TMPO: variants seen among roughly 807,000 people sequenced by gnomAD.
TMPO encodes LEM domain containing 4.
A neutral mutation model predicts 45.4 loss-of-function variants in TMPO; 22 were observed. The ratio of observed to expected loss-of-function variants is 0.48; its 90% CI spans 0.35 to 0.69. The LOEUF (loss-of-function observed/expected upper bound fraction) is 0.69. Among genes scored for constraint, TMPO ranks in the 30% least tolerant of loss-of-function variants. TMPO has a pLI of 0.01. For synonymous variants in TMPO, 241 were observed against 204.1 expected (o/e 1.18, Z -1.54); for missense variants, 512 against 548.8 (o/e 0.93, Z 0.67).
At chr12:98,517,839 AAAAG>A (rs1375414592) in intron 1 of TMPO, among the ~76,000 whole-genome samples, 1 of 152,250 alleles carries the variant, frequency 6.6e-6, no homozygotes, top group African/African-American at 2.4e-5. Context: ...CCTGCTCTGA[AAAAG>A]AAGGTAGTAT....
At chr12:98,545,543 G>A (rs747254157) in intron 7 of TMPO, among the ~76,000 whole-genome samples, 9 of 152,088 alleles carry the variant, frequency 5.9e-5, no homozygotes, top group African/African-American at 1.2e-4. Context: ...AAAAGGAGCC[G>A]AAACATTTAT....
chr12:98,520,529 A>T (rs1876261911), intron 1 of TMPO, among the ~76,000 whole-genome samples: 1 of 147,850 alleles, frequency 6.8e-6, no homozygotes, highest in South Asian at 2.1e-4. Context: ...CTGGTCTCGA[A>T]CTCCTGACCT....
At chr12:98,542,628 C>T (rs1877981974) in intron 4 of TMPO, among the ~76,000 whole-genome samples, 2 of 152,012 alleles carry the variant, frequency 1.3e-5, no homozygotes, top group Admixed American at 6.6e-5. Flanking sequence ...TTGGGAGGCC[C>T]AGGTGGGTGG....
chr12:98,533,974 T>C lies in TMPO; in HGVS notation c.565+2136T>C. On this transcript the variant is annotated intron_variant, in intron 3 of 8. Coordinates refer to ENST00000556029, the MANE Select transcript of TMPO (RefSeq NM_001032283.3). ...GTTGGACTTAGCACTCTGTAGAGCA[T>C]ATGAAGCTGCAGCATCAGCATTGCA... The C allele has an allele frequency of 1.9e-6, 3 of 1,610,540 alleles. No individual in the cohort carries two copies. The highest frequency in any genetic ancestry group is 1.7e-4 in the Middle Eastern group (1 of 6,046).
At chr12:98,535,565 G>C (rs758352372) in intron 3 of TMPO, 36 of 985,292 alleles carry the variant, frequency 3.7e-5, no homozygotes, top group Non-Finnish European at 4.3e-5. Flanking sequence ...TGAGTGCTAT[G>C]TGATTTTTAA....
chr12:98,541,348 A>C (rs1877903531), intron 4 of TMPO, among the ~76,000 whole-genome samples: 1 of 152,212 alleles, frequency 6.6e-6, no homozygotes, highest in South Asian at 2.1e-4. Flanking sequence ...ATCATGAATT[A>C]ATGGTGATAT....
rs745680540 is a variant in TMPO, at chr12:98,534,366, CTATCT to C, written c.565+2535_565+2539del. On this transcript the variant is annotated intron_variant, in intron 3 of 8. Coordinates refer to ENST00000556029, the MANE Select transcript of TMPO (RefSeq NM_001032283.3). ...AGTAAAATTAAGGACAAAAAGACATCTATCTTATCTTTCAGGTACTTTATGCCAAC... is the reference window on the plus strand; with the variant it reads ...AGTAAAATTAAGGACAAAAAGACATCTATCTTTCAGGTACTTTATGCCAAC... The C allele has an allele frequency of 5.0e-6, 8 of 1,608,592 alleles. No homozygotes were observed. The African/African-American group carries it at 6.7e-5, about 13-fold the overall frequency.
intron 1 of TMPO, among the ~76,000 whole-genome samples, chr12:98,527,246 C>T (rs1482447652): frequency 3.4e-5 from 5 of 148,478 alleles, no homozygotes; most frequent in Non-Finnish European, 5.9e-5. Flanking sequence ...AACTGTAATC[C>T]TAACACTTTG....
intron 3 of TMPO, chr12:98,533,720 CAG>C (rs762350815): frequency 6.2e-7 from 1 of 1,614,148 alleles, no homozygotes; most frequent in Non-Finnish European, 8.5e-7. Context: ...ATAGATGCCT[CAG>C]AACTATCTTT....
chr12:98,533,378 C>A (rs759557168), intron 3 of TMPO: 7 of 1,614,180 alleles, frequency 4.3e-6, no homozygotes, highest in Non-Finnish European at 4.2e-6. Context: ...CCGCCACTTG[C>A]CCAGGCAATC....
At chr12:98,533,793 G>A in intron 3 of TMPO, 3 of 1,614,230 alleles carry the variant, frequency 1.9e-6, no homozygotes, top group Non-Finnish European at 2.5e-6. Flanking sequence ...TTGACAGGCA[G>A]CTGCCTTCAC....
At chr12:98,516,197 G>A in intron 1 of TMPO, 51 bp downstream of exon 1, 1 of 1,320,532 alleles carries the variant, frequency 7.6e-7, no homozygotes, top group Non-Finnish European at 9.6e-7. Context: ...CGGTTGCCGC[G>A]CGCGCTCGCC....
intron 1 of TMPO, among the ~76,000 whole-genome samples, chr12:98,521,099 AATTTTTT>A (rs1206345968): frequency 1.1e-5 from 1 of 93,018 alleles, no homozygotes; most frequent in African/African-American, 4.0e-5. Flanking sequence ...GTTTATGAGG[AATTTTTT>A]TTTTTTTTTT....
chr12:98,534,820 T>C, intron 3 of TMPO: 2 of 1,002,362 alleles, frequency 2.0e-6, no homozygotes, highest in Non-Finnish European at 2.4e-6. Context: ...TTTGCTCATA[T>C]TTTCTTACTT....
At chr12:98,545,083 C>T (rs757944637) in intron 7 of TMPO, 22 bp downstream of exon 7, 2 of 1,448,450 alleles carry the variant, frequency 1.4e-6, no homozygotes, top group East Asian at 2.3e-5. Flanking sequence ...CAATTTAGAT[C>T]GATGCTATCA....
chr12:98,531,179 A>G (rs1354710958), intron 2 of TMPO, among the ~76,000 whole-genome samples: 1 of 146,168 alleles, frequency 6.8e-6, no homozygotes, highest in African/African-American at 2.5e-5. Flanking sequence ...ACCTTAGGTG[A>G]TCCACCCGCC....
Position 98,515,931 on chromosome 12 carries a change from G to A in TMPO, c.64G>A (p.Ala22Thr). 1 of 1,613,708 alleles carries A rather than the reference G, an allele frequency of 6.2e-7. No homozygotes were observed. The highest frequency in any genetic ancestry group is 2.2e-5 in the East Asian group (1 of 44,862). The change falls in exon 1 of 9, where the codon GCC becomes ACC. Residue 22 changes from alanine (A) to threonine (T), a missense_variant. Physicochemically the swap from Ala to Thr is moderately conservative, Grantham distance 58. This residue lies in a region of TMPO where 299 missense variants were observed against 296.7 expected (regional missense o/e 1.01). Transcript: ENST00000556029. The part of the protein sequence containing the change: ...TKDKLKSELV[A>T]NNVTLPAGEQ... ...AGACAAGTTGAAGAGTGAGTTGGTC[G>A]CCAACAATGTGACGCTGCCGGCCGG...
At chr12:98,540,363 C>T (rs1472450152) in intron 4 of TMPO, among the ~76,000 whole-genome samples, 2 of 152,004 alleles carry the variant, frequency 1.3e-5, no homozygotes, top group Non-Finnish European at 2.9e-5. Flanking sequence ...CTCTGTTTTG[C>T]TTTGTTGTTG....
At chr12:98,535,510 T>C (rs1248416624) in intron 3 of TMPO, 1 of 985,240 alleles carries the variant, frequency 1.0e-6, no homozygotes, top group Non-Finnish European at 1.2e-6. Context: ...CTGAGAGTAA[T>C]TTTATTTGTT....
Sources: allele counts gnomAD v4.1 joint callset (sites outside exome capture counted in the v4.1 genomes callset), GRCh38; gene constraint gnomAD v4.1.1; regional missense constraint gnomAD v4.1.1; transcripts MANE v1.5; gene names NCBI Gene and HGNC (gene_info 2026-07-23, HGNC 2026-07-21).